The following PSMD13 variants were observed in gnomAD, a reference collection of about 807,000 sequenced individuals.
PSMD13 encodes 26S proteasome non-ATPase regulatory subunit 13.
In PSMD13, 8 loss-of-function variants were observed where a neutral mutation model predicts 57.4. That is an observed-to-expected ratio of 0.14 (90% confidence interval 0.08 to 0.25). The LOEUF is 0.25. Among genes scored for constraint, PSMD13 ranks in the 10% least tolerant of loss-of-function variants. The probability of loss-of-function intolerance (pLI) is 1.00; values close to 1 mark genes in which losing one functional copy is unlikely to be tolerated. For missense variants in PSMD13, 400 were observed against 461.5 expected, an observed-to-expected ratio of 0.87 and a Z score of 1.22; for synonymous variants, 193 against 168.2, an observed-to-expected ratio of 1.15 and a Z score of -1.14.
chr11:248,816 A>C lies in PSMD13; in HGVS notation c.609A>C (p.Ala203=). Residue 203 remains alanine (A), a synonymous_variant, in exon 8 of 13, where the codon GCA becomes GCC. Coordinates refer to ENST00000532097, the MANE Select transcript of PSMD13 (RefSeq NM_002817.4). The stretch of plus-strand genomic sequence containing the variant: ...AGAGAGCCTTCACGCTGGGGCTAGC[A>C]GGACTTCTCGGCGAGGGAGTTTTTA... ...QQERAFTLGL[A]GLLGEGVFNF... 1 of 1,614,236 alleles carries C rather than the reference A, an allele frequency of 6.2e-7. No homozygotes were observed. Among genetic ancestry groups the C allele is most frequent in the Non-Finnish European group, 8.5e-7 (1 of 1,180,044 alleles).
intron 7 of PSMD13, chr11:247,986 C>T (rs577259): frequency 0.23 from 34,755 of 152,838 alleles, 4,269 homozygotes; most frequent in Admixed American, 0.27. Flanking sequence ...CCTTCACTGT[C>T]CCTTCTCCAG....
intron 5 of PSMD13, 46 bp from the exon 6 acceptor site, chr11:244,629 A>G (rs756601260): frequency 1.3e-5 from 21 of 1,570,284 alleles, no homozygotes; most frequent in South Asian, 3.4e-5. Context: ...TTGTTAGTCA[A>G]CTGCCCACAT....
At position 237,147 on chromosome 11, in the gene PSMD13, G is replaced by A; in HGVS notation, c.95+3G>A. ...CTGGAGGAGCTCTACACGAAGAAGT[G>A]AGCGCCGAGCAGACGGGCCCTGGGC... is the stretch of plus-strand genomic sequence containing the variant. On this transcript the variant is annotated splice_donor_region_variant and intron_variant, in intron 1 of 12. Transcript: ENST00000532097. 1.9e-6 allele frequency: 3 copies of A among 1,609,698 alleles called. No individual in the cohort carries two copies. Among genetic ancestry groups the A allele is most frequent in the Middle Eastern group, 3.4e-4 (2 of 5,806 alleles).
chr11:238,695 G>A (rs1344377330), intron 1 of PSMD13, among the ~76,000 whole-genome samples: 3 of 152,126 alleles, frequency 2.0e-5, no homozygotes, highest in African/African-American at 2.4e-5. Flanking sequence ...GAAATGCATT[G>A]GGGCAAAAGT....
intron 9 of PSMD13, among the ~76,000 whole-genome samples, chr11:249,851 A>G (rs1019122288): frequency 5.3e-5 from 8 of 152,126 alleles, no homozygotes; most frequent in African/African-American, 1.4e-4. Flanking sequence ...GAAACTTTCA[A>G]TTTTCTCAGT....
At chr11:249,114 A>G in intron 9 of PSMD13, 57 bp downstream of exon 9, 2 of 1,597,822 alleles carry the variant, frequency 1.3e-6, no homozygotes, top group South Asian at 2.2e-5. Context: ...CGCTCATACA[A>G]CAGATGTTCA....
rs1427321462 is a variant in PSMD13, at chr11:251,509, A to AAAAATAAAATAAAATAGTTTAAATAGTT, written c.838-31_838-30insAAATAAAATAGTTTAAATAGTTAAAATA. ...TTATCAGTTCTCTATTTTTATTTGG[A>AAAAATAAAATAAAATAGTTTAAATAGTT]AAAATAGTTTAAAATAGTTAATAAA... On this transcript the variant is annotated intron_variant, in intron 10 of 12. Coordinates refer to ENST00000532097, the MANE Select transcript of PSMD13 (RefSeq NM_002817.4). This position sits in a 1 kb window ranked among gnomAD's most constrained non-coding sequence, Gnocchi z 4.6. The AAAAATAAAATAAAATAGTTTAAATAGTT allele has an allele frequency of 1.3e-6, 2 of 1,522,974 alleles. No homozygotes were observed. The highest frequency in any genetic ancestry group is 3.5e-5 in the Admixed American group (2 of 57,834). The allele number at this position is 1,522,974 out of a possible 1,614,324, so 94.3% of individuals were successfully genotyped here.
At chr11:250,486 A>G (rs1859747577) in intron 9 of PSMD13, among the ~76,000 whole-genome samples, 1 of 152,224 alleles carries the variant, frequency 6.6e-6, no homozygotes, top group Non-Finnish European at 1.5e-5. Flanking sequence ...CACCTTGACC[A>G]GGAGAGTCTT....
At chr11:249,829 T>C (rs953536220) in intron 9 of PSMD13, among the ~76,000 whole-genome samples, 8 of 152,164 alleles carry the variant, frequency 5.3e-5, no homozygotes, top group African/African-American at 1.9e-4. Flanking sequence ...ATGGTTATTT[T>C]TGTATTTTTC....
intron 2 of PSMD13, among the ~76,000 whole-genome samples, chr11:241,071 A>G (rs1859504097): frequency 1.3e-5 from 2 of 152,028 alleles, no homozygotes; most frequent in South Asian, 4.1e-4. Context: ...ACCTCAGGCG[A>G]TCCACCCGCC....
At chr11:245,414 C>G (rs1427461280) in intron 6 of PSMD13, among the ~76,000 whole-genome samples, 1 of 152,244 alleles carries the variant, frequency 6.6e-6, no homozygotes, top group Non-Finnish European at 1.5e-5. Context: ...TGGCCTCAGT[C>G]AGCCCAAAGC....
At chr11:249,293 G>T (rs994249626) in intron 9 of PSMD13, among the ~76,000 whole-genome samples, 2 of 152,102 alleles carry the variant, frequency 1.3e-5, no homozygotes, top group Non-Finnish European at 2.9e-5. Flanking sequence ...TCGAATGTGG[G>T]CCCTGCATCT....
At chr11:248,641 T>A in intron 7 of PSMD13, 135 bp from the exon 8 acceptor site, 1 of 811,418 alleles carries the variant, frequency 1.2e-6, no homozygotes. Flanking sequence ...TCAGAAGAGG[T>A]GACTAATGTC....
rs1355273541 is a variant in PSMD13, at chr11:247,374, C to T, written c.494C>T (p.Thr165Ile). 2 of 1,458,600 alleles carry T rather than the reference C, an allele frequency of 1.4e-6. No homozygotes were observed. Among genetic ancestry groups the T allele is most frequent in the Admixed American group, 1.8e-5 (1 of 54,942 alleles). The allele number at this position is 1,458,600 out of a possible 1,614,324, so 90.4% of individuals were successfully genotyped here. Residue 165 changes from threonine (T) to isoleucine (I), a missense_variant, in exon 7 of 13, where the codon ACA becomes ATA. Transcript: ENST00000532097. Reference protein sequence around the residue: ...FYDLSSKYYQTIGNHASYYKD... With the variant: ...FYDLSSKYYQIIGNHASYYKD... ...GATCTCTCCAGTAAATACTATCAAA[C>T]AATCGGAAACCACGCGTCCTACTAC...
intron 7 of PSMD13, chr11:248,518 A>C: frequency 1.5e-5 from 7 of 472,066 alleles, no homozygotes; most frequent in Non-Finnish European, 1.1e-5. Context: ...TGGAAGTGGC[A>C]CAGCTGAAAA....
intron 9 of PSMD13, 101 bp from the exon 10 acceptor site, chr11:250,702 T>C (rs1859750595): frequency 2.9e-6 from 3 of 1,046,886 alleles, no homozygotes; most frequent in Non-Finnish European, 4.4e-6. Context: ...TTAGCTGGTT[T>C]TTGTTGGGTC....
At position 248,961 on chromosome 11, in the gene PSMD13, G is replaced by A. The variant is rs375739010; in HGVS notation, c.678G>A (p.Arg226=). 7 of 1,614,034 alleles carry A rather than the reference G, an allele frequency of 4.3e-6. No homozygotes were observed. Among genetic ancestry groups the A allele is most frequent in the African/African-American group, 2.7e-5 (2 of 74,914 alleles). ...LLMHPVLESL[R]NTDRQWLIDT... ...TGCACCCTGTGCTGGAGTCCCTGAG[G>A]AATACTGACCGGCAGTGGCTGATTG... is the stretch of plus-strand genomic sequence containing the variant. The change falls in exon 9 of 13, where the codon AGG becomes AGA. Residue 226 remains arginine (R), a synonymous_variant. Coordinates refer to ENST00000532097, the MANE Select transcript of PSMD13 (RefSeq NM_002817.4).
At chr11:245,743 T>G (rs1298285764) in intron 6 of PSMD13, among the ~76,000 whole-genome samples, 1 of 141,104 alleles carries the variant, frequency 7.1e-6, no homozygotes, top group East Asian at 2.1e-4. Flanking sequence ...TGTGTGTGTT[T>G]GCTAATCACA....
rs1590251950 is a variant in PSMD13 at position 247,403 on chromosome 11, G to A, written c.523G>A (p.Asp175Asn). Residue 175 changes from aspartate to asparagine, a missense_variant, in exon 7 of 13, where the codon GAT becomes AAT. Physicochemically the swap from Asp to Asn is conservative, Grantham distance 23 (BLOSUM62 1). Coordinates refer to ENST00000532097, the MANE Select transcript of PSMD13 (RefSeq NM_002817.4). ...TIGNHASYYK[D>N]ALRFLGCVDI... ...CGGAAACCACGCGTCCTACTACAAA[G>A]ATGCTCTGCGGTTTTTGGGCTGTGT... 1 of 1,578,440 alleles carries A rather than the reference G, an allele frequency of 6.3e-7. No individual in the cohort carries two copies. Among genetic ancestry groups the A allele is most frequent in the Middle Eastern group, 1.7e-4 (1 of 5,830 alleles).
Sources: gnomAD v4.1 joint callset for allele counts (sites outside exome capture counted in the v4.1 genomes callset) on GRCh38, gnomAD v4.1.1 for gene constraint, Gnocchi (gnomAD v3.1) non-coding constraint, MANE v1.5 for transcripts, NCBI Gene and HGNC (gene_info 2026-07-23, HGNC 2026-07-21) for gene names.